The following ADAMTS9 variants were observed in gnomAD, a reference collection of about 807,000 sequenced individuals.
The protein encoded by ADAMTS9 is ADAM metallopeptidase with thrombospondin type 1 motif 9, also known as A disintegrin and metalloproteinase with thrombospondin motifs 9.
ADAMTS9 carries 107 observed loss-of-function variants against 257.1 expected under a neutral mutation model. The ratio of observed to expected loss-of-function variants is 0.42; its 90% CI spans 0.36 to 0.49. The LOEUF (loss-of-function observed/expected upper bound fraction) is 0.49. Among genes scored for constraint, ADAMTS9 ranks in the 20% least tolerant of loss-of-function variants. The pLI, the probability that ADAMTS9 is intolerant of heterozygous loss-of-function variation, is 0.03. For synonymous variants in ADAMTS9, 982 were observed against 880.9 expected (o/e 1.11, Z -2.03); for missense variants, 2,353 against 2,469.1 (o/e 0.95, Z 1.00).
At chr3:64,635,293 G>A (rs1318818162) in intron 12 of ADAMTS9, among the ~76,000 whole-genome samples, 1 of 152,204 alleles carries the variant, frequency 6.6e-6, no homozygotes, top group Non-Finnish European at 1.5e-5. Context: ...ACAAGCTGGG[G>A]AGGGTGACTT....
At chr3:64,524,161 A>C (rs904184182) in intron 38 of ADAMTS9, among the ~76,000 whole-genome samples, 1 of 152,238 alleles carries the variant, frequency 6.6e-6, no homozygotes, top group East Asian at 1.9e-4. Context: ...TTCTGAGCTT[A>C]AACTGCAGTT....
In ADAMTS9 at chr3:64,632,129, T is replaced by C. The variant is rs538687483; in HGVS notation, c.2176-204A>G. 3.1e-4 allele frequency among the ~76,000 whole-genome samples: 47 copies of C among 152,306 alleles called. No homozygotes were observed. In the South Asian group the frequency reaches 9.7e-3, roughly 32 times the overall value. On this transcript the variant is annotated intron_variant, in intron 14 of 39. Coordinates refer to ENST00000498707, the MANE Select transcript of ADAMTS9 (RefSeq NM_182920.2). ...GACCAGCAGCCATGGGCACCTTTGA[T>C]GTGGTCAGGAATGCAGAATTTCAGG...
intron 29 of ADAMTS9, among the ~76,000 whole-genome samples, chr3:64,564,229 G>T (rs2083482164): frequency 6.6e-6 from 1 of 152,126 alleles, no homozygotes; most frequent in African/African-American, 2.4e-5. Context: ...CCTGAGCTGG[G>T]AGCTATGTTT....
intron 2 of ADAMTS9, among the ~76,000 whole-genome samples, chr3:64,682,565 G>C (rs1352515014): frequency 6.6e-6 from 1 of 152,278 alleles, no homozygotes; most frequent in African/African-American, 2.4e-5. Flanking sequence ...GAGAAATCAA[G>C]CTCCACTCTT....
intron 3 of ADAMTS9, among the ~76,000 whole-genome samples, chr3:64,666,244 G>A (rs13096863): frequency 0.25 from 38,517 of 152,142 alleles, 5,445 homozygotes; most frequent in Admixed American, 0.35. Flanking sequence ...GCCAGGCCTC[G>A]TTATTCAGTG....
intron 29 of ADAMTS9, among the ~76,000 whole-genome samples, chr3:64,564,304 T>C (rs2083484908): frequency 6.6e-6 from 1 of 152,212 alleles, no homozygotes; most frequent in African/African-American, 2.4e-5. Flanking sequence ...AAAGGGGAAC[T>C]TGATGCTTAT....
At chr3:64,678,643 C>A (rs1347598681) in intron 3 of ADAMTS9, among the ~76,000 whole-genome samples, 4 of 152,184 alleles carry the variant, frequency 2.6e-5, no homozygotes, top group Admixed American at 6.5e-5. Context: ...GAGTGGATTG[C>A]TATTGCTAGG....
At chr3:64,615,622 T>A (rs2084747912) in intron 20 of ADAMTS9, 137 bp from the exon 21 acceptor site, 3 of 936,448 alleles carry the variant, frequency 3.2e-6, no homozygotes, top group Admixed American at 6.0e-5. Context: ...TTGGTGGAGA[T>A]CTTTTCATGT....
intron 6 of ADAMTS9, 113 bp downstream of exon 6, chr3:64,655,463 C>A: frequency 1.2e-6 from 1 of 842,686 alleles, no homozygotes; most frequent in South Asian, 1.6e-5. Context: ...AAAATGTCAA[C>A]AGTGCCTAAG....
intron 3 of ADAMTS9, 27 bp downstream of exon 3, chr3:64,681,174 C>T (rs746890564): frequency 6.2e-7 from 1 of 1,601,916 alleles, no homozygotes; most frequent in Admixed American, 1.7e-5. Flanking sequence ...AAGAGCTGGG[C>T]TCTCCGCTTA....
chr3:64,647,058 T>C (rs1470314690), intron 11 of ADAMTS9, among the ~76,000 whole-genome samples: 1 of 151,760 alleles, frequency 6.6e-6, no homozygotes, highest in Non-Finnish European at 1.5e-5. Flanking sequence ...TGAGAATAAA[T>C]TATTAAAAGT....
At chr3:64,607,179 G>T (rs2084570900) in intron 22 of ADAMTS9, 100 bp from the exon 23 acceptor site, 2 of 1,504,702 alleles carry the variant, frequency 1.3e-6, no homozygotes, top group Non-Finnish European at 9.0e-7. Context: ...TTCCATCACA[G>T]TAGGCCAGAG....
intron 37 of ADAMTS9, among the ~76,000 whole-genome samples, chr3:64,535,503 A>T (rs563882789): frequency 1.4e-5 from 2 of 146,586 alleles, no homozygotes; most frequent in Non-Finnish European, 3.0e-5. Context: ...CAGACACCGG[A>T]TTCTGTATGT....
intron 28 of ADAMTS9, among the ~76,000 whole-genome samples, chr3:64,585,723 C>A (rs2084131600): frequency 6.6e-6 from 1 of 152,032 alleles, no homozygotes; most frequent in South Asian, 2.1e-4. Context: ...AAAGAAAATA[C>A]CTCAAGTTAT....
chr3:64,687,776 A>G lies in ADAMTS9; in HGVS notation c.-119T>C, dbSNP rs1481805580. On this transcript the variant is annotated 5_prime_UTR_variant, in exon 1 of 40. Transcript: ENST00000498707. This position sits in a 1 kb window ranked among gnomAD's most constrained non-coding sequence, Gnocchi z 4.4. ...GCGCGGAGCCCGGCGCCCGCCGCCA[A>G]CTTTTGACTTTAGGAGTCGCTGAGG... The G allele has an allele frequency of 1.3e-5, 10 of 749,456 alleles. No individual in the cohort carries two copies. The highest frequency in any genetic ancestry group is 1.2e-4 in the South Asian group (5 of 41,752). The allele number at this position is 749,456 out of a possible 1,614,324, so 46.4% of individuals were successfully genotyped here.
chr3:64,650,930 T>C, intron 9 of ADAMTS9, 87 bp downstream of exon 9: 1 of 1,388,426 alleles, frequency 7.2e-7, no homozygotes, highest in Non-Finnish European at 9.7e-7. Context: ...AAGGAATGTT[T>C]GACTTCATAT....
Position 64,556,912 on chromosome 3 carries a change from T to G in ADAMTS9, c.4698+4666A>C, listed in dbSNP as rs2083345389. ...ATTCATTTAACAGGTATCTTTGATGTTGTAGGTACCATGTTAAATGATAGA... is the reference window on the plus strand; with the variant it reads ...ATTCATTTAACAGGTATCTTTGATGGTGTAGGTACCATGTTAAATGATAGA... On this transcript the variant is annotated intron_variant, in intron 30 of 39. Transcript: ENST00000498707. Among the ~76,000 whole-genome samples, 5 of 152,170 alleles carry G rather than the reference T, an allele frequency of 3.3e-5. No homozygotes were observed. In the South Asian group the frequency reaches 1.0e-3, roughly 31 times the overall value.
chr3:64,656,049 T>C (rs1701061605), intron 4 of ADAMTS9, 174 bp from the exon 5 acceptor site: 2 of 520,502 alleles, frequency 3.8e-6, no homozygotes, highest in Non-Finnish European at 6.9e-6. Flanking sequence ...CTTCATAAAA[T>C]TCATAGATCA....
chr3:64,580,933 G>T (rs2083982763), intron 28 of ADAMTS9, among the ~76,000 whole-genome samples: 1 of 152,120 alleles, frequency 6.6e-6, no homozygotes, highest in Non-Finnish European at 1.5e-5. Context: ...AGAGGCAGTG[G>T]AAAAACATGG....
Sources: allele counts gnomAD v4.1 joint callset (sites outside exome capture counted in the v4.1 genomes callset), GRCh38; gene constraint gnomAD v4.1.1; non-coding constraint Gnocchi (gnomAD v3.1); transcripts MANE v1.5; gene names NCBI Gene and HGNC (gene_info 2026-07-23, HGNC 2026-07-21).